Variants in SYNE3 observed in about 807,000 individuals in gnomAD.
The protein encoded by SYNE3 is nesprin-3.
Under a neutral mutation model 111.2 loss-of-function variants are expected in SYNE3, and 100 were observed. The observed-to-expected ratio is 0.90, with a 90% confidence interval of 0.77 to 1.06. The LOEUF (loss-of-function observed/expected upper bound fraction) is 1.06, where lower values mean the gene tolerates loss of function less well. Ranked by LOEUF, SYNE3 falls within the 50% of genes least tolerant of loss-of-function variation. The pLI is 0.00. For synonymous variants in SYNE3, 547 were observed against 533.9 expected (o/e 1.02, Z -0.34); for missense variants, 1,160 against 1,240.3 (o/e 0.94, Z 0.97).
At position 95,488,294 on chromosome 14, in the gene SYNE3, C is replaced by T. The variant is rs143304633; in HGVS notation, c.-14-12459G>A. ...TAGAGAGAGGGGTCTGATTTTTTCACTCAGGATGGTTATTTTGAGATTCAT... is the reference window on the plus strand; with the variant it reads ...TAGAGAGAGGGGTCTGATTTTTTCATTCAGGATGGTTATTTTGAGATTCAT... On this transcript the variant is annotated intron_variant, in intron 1 of 17. Transcript: ENST00000682763. 8.5e-4 allele frequency among the ~76,000 whole-genome samples: 129 copies of T among 152,266 alleles called. 1 individual carries two copies. The highest frequency in any genetic ancestry group is 3.4e-3 in the Middle Eastern group (1 of 294).
In SYNE3 at chr14:95,440,052, C is replaced by G; in HGVS notation, c.1935G>C (p.Gln645His). 6.2e-7 allele frequency: 1 copy of G among 1,606,052 alleles called. No homozygotes were observed. The highest frequency in any genetic ancestry group is 2.2e-5 in the East Asian group (1 of 44,870). Residue 645 changes from glutamine (Q) to histidine (H), a missense_variant, in exon 12 of 18, where the codon CAG becomes CAC. Transcript: ENST00000682763. ...TGAAGGTGCAGTGCTCCTGCACACT[C>G]TGCCGACACCTGTCCACAAGGTCCT... ...SLEDLVDRCRQSVQEHCTFSH... is the reference protein window; with the variant it reads ...SLEDLVDRCRHSVQEHCTFSH...
chr14:95,468,779 G>T (rs1346683149), intron 2 of SYNE3, among the ~76,000 whole-genome samples: 2 of 152,136 alleles, frequency 1.3e-5, no homozygotes, highest in Non-Finnish European at 2.9e-5. Context: ...TCTCATCTTG[G>T]TGTCAGCTTC....
At chr14:95,501,786 C>T (rs1188973085) in intron 1 of SYNE3, among the ~76,000 whole-genome samples, 1 of 152,166 alleles carries the variant, frequency 6.6e-6, no homozygotes, top group Non-Finnish European at 1.5e-5. Context: ...GTAGTTTGTC[C>T]CCAGCGGGGA....
intron 6 of SYNE3, among the ~76,000 whole-genome samples, chr14:95,453,518 CT>C (rs762873577): frequency 2.0e-5 from 3 of 152,248 alleles, no homozygotes; most frequent in Admixed American, 6.5e-5. Context: ...CCAGCCAGCC[CT>C]GTTCATTCTC....
intron 17 of SYNE3, among the ~76,000 whole-genome samples, chr14:95,421,588 G>C (rs1482150847): frequency 6.6e-6 from 1 of 152,164 alleles, no homozygotes; most frequent in Non-Finnish European, 1.5e-5. Flanking sequence ...GATAAATGAG[G>C]CCACGCATGC....
intron 17 of SYNE3, 31 bp from the exon 18 acceptor site, chr14:95,418,057 G>T (rs1884848922): frequency 6.2e-7 from 1 of 1,601,532 alleles, no homozygotes; most frequent in African/African-American, 1.3e-5. Flanking sequence ...AGGTGAGTGG[G>T]CTGGGGGGCT....
chr14:95,472,728 C>A (rs951399916), intron 2 of SYNE3, among the ~76,000 whole-genome samples: 1 of 152,190 alleles, frequency 6.6e-6, no homozygotes, highest in Non-Finnish European at 1.5e-5. Flanking sequence ...AGTAGCCAAG[C>A]TCTCAACCCA....
intron 17 of SYNE3, among the ~76,000 whole-genome samples, chr14:95,420,854 T>C (rs1885075625): frequency 6.6e-6 from 1 of 151,750 alleles, no homozygotes; most frequent in Admixed American, 6.6e-5. Flanking sequence ...CTATCTGGTA[T>C]GGTTTGGTTG....
intron 17 of SYNE3, among the ~76,000 whole-genome samples, chr14:95,425,577 C>T (rs1394988714): frequency 2.6e-5 from 4 of 152,164 alleles, no homozygotes; most frequent in South Asian, 2.1e-4. Flanking sequence ...CAAGAGTTGG[C>T]GCTCATGCAA....
At position 95,457,283 on chromosome 14, in the gene SYNE3, C is replaced by T. The variant is rs1489801819; in HGVS notation, c.683G>A (p.Gly228Asp). Residue 228 changes from glycine to aspartate, a missense_variant, in exon 5 of 18, where the codon GGT (glycine) becomes GAT (aspartate). Gly to Asp is a moderately conservative substitution (Grantham distance 94). Coordinates refer to ENST00000682763, the MANE Select transcript of SYNE3 (RefSeq NM_152592.6). ...CAGCCACAGTTGGAACTCGTCCACA[C>T]CTGCCTGGTACTCCTCATGCTCCCG... is the stretch of plus-strand genomic sequence containing the variant. ...VAREHEEYQA[G>D]VDEFQLWLKA... 6.2e-7 allele frequency: 1 copy of T among 1,614,138 alleles called. No individual in the cohort carries two copies. The highest frequency in any genetic ancestry group is 1.7e-5 in the Admixed American group (1 of 60,018).
chr14:95,452,397 C>G lies in SYNE3; in HGVS notation c.1138-14G>C. On this transcript the variant is annotated splice_polypyrimidine_tract_variant and intron_variant, in intron 6 of 17. Transcript: ENST00000682763. ...CGCCCGTGTTGCCTGCAGCACATGA[C>G]GACACCGCAGCGGGAGGTGAGGCTC... 6 of 1,599,222 alleles carry G rather than the reference C, an allele frequency of 3.8e-6. No homozygotes were observed. The highest frequency in any genetic ancestry group is 1.7e-4 in the Middle Eastern group (1 of 5,988).
chr14:95,499,003 C>A (rs917378723), intron 1 of SYNE3, among the ~76,000 whole-genome samples: 1 of 152,216 alleles, frequency 6.6e-6, no homozygotes, highest in African/African-American at 2.4e-5. Context: ...GGCACCCCAG[C>A]CTGAGAAACG....
intron 1 of SYNE3, among the ~76,000 whole-genome samples, chr14:95,510,767 A>G (rs1890694440): frequency 6.6e-6 from 1 of 152,132 alleles, no homozygotes; most frequent in African/African-American, 2.4e-5. Context: ...CAGCCTGGGC[A>G]ACAGAGTGAG....
At chr14:95,496,477 T>C (rs925817794) in intron 1 of SYNE3, among the ~76,000 whole-genome samples, 1 of 152,218 alleles carries the variant, frequency 6.6e-6, no homozygotes, top group Non-Finnish European at 1.5e-5. Flanking sequence ...CCAAAATGTG[T>C]CTGTGAGCTG....
chr14:95,476,122 C>T (rs1013434174), intron 1 of SYNE3, among the ~76,000 whole-genome samples: 3 of 152,218 alleles, frequency 2.0e-5, no homozygotes, highest in East Asian at 1.9e-4. Context: ...GCTTGAGGCC[C>T]GGAGGCAATT....
rs1375380342 is a variant in SYNE3, at chr14:95,439,714, A to G, written c.2144T>C (p.Met715Thr). The change falls in exon 13 of 18, where the codon ATG becomes ACG. Residue 715 changes from methionine (M) to threonine (T), a missense_variant. Coordinates refer to ENST00000682763, the MANE Select transcript of SYNE3 (RefSeq NM_152592.6). The part of the protein sequence containing the change: ...SLVEAQGWLV[M>T]EKSSPEGAAV... The stretch of plus-strand genomic sequence containing the variant: ...AGCACCCTCCGGAGAAGACTTCTCC[A>G]TCACCAGCCAGCCCTGCGCTTCCAC... 1 of 1,614,060 alleles carries G rather than the reference A, an allele frequency of 6.2e-7. No homozygotes were observed. The highest frequency in any genetic ancestry group is 8.5e-7 in the Non-Finnish European group (1 of 1,180,022).
At chr14:95,497,494 T>C (rs144733940) in intron 1 of SYNE3, among the ~76,000 whole-genome samples, 5 of 152,300 alleles carry the variant, frequency 3.3e-5, no homozygotes, top group African/African-American at 1.2e-4. Context: ...CAAGGAAAGT[T>C]TGTGACATCC....
rs1202029806 is a variant in SYNE3 at position 95,477,661 on chromosome 14, G to T, written c.-14-1826C>A. ...GCCAAAGGATGTGGGCTGGCCAGGGGGAGGTGGGCGACGTAGCGGGCTGTG... is the reference window on the plus strand; with the variant it reads ...GCCAAAGGATGTGGGCTGGCCAGGGTGAGGTGGGCGACGTAGCGGGCTGTG... On this transcript the variant is annotated intron_variant, in intron 1 of 17. Coordinates refer to ENST00000682763, the MANE Select transcript of SYNE3 (RefSeq NM_152592.6). 3.9e-5 allele frequency among the ~76,000 whole-genome samples: 6 copies of T among 152,166 alleles called. No homozygotes were observed. In the South Asian group the frequency reaches 1.2e-3, roughly 32 times the overall value.
At chr14:95,467,509 C>A (rs999001553) in intron 3 of SYNE3, among the ~76,000 whole-genome samples, 1 of 152,210 alleles carries the variant, frequency 6.6e-6, no homozygotes, top group African/African-American at 2.4e-5. Flanking sequence ...GGGCCCCAGG[C>A]CTTCTTTCTC....
Sources: gnomAD v4.1 joint callset for allele counts (sites outside exome capture counted in the v4.1 genomes callset) on GRCh38, gnomAD v4.1.1 for gene constraint, MANE v1.5 for transcripts, NCBI Gene and HGNC (gene_info 2026-07-23, HGNC 2026-07-21) for gene names.